The following MGAT4C variants were observed in gnomAD, a reference collection of about 807,000 sequenced individuals.
MGAT4C encodes alpha-1,3-mannosyl-glycoprotein 4-beta-N-acetylglucosaminyltransferase C.
A neutral mutation model predicts 40.1 loss-of-function variants in MGAT4C; 19 were observed. The observed-to-expected ratio is 0.47, with a 90% CI of 0.33 to 0.70. The LOEUF (loss-of-function observed/expected upper bound fraction) is 0.70, where lower values mean the gene tolerates loss of function less well. MGAT4C is among the 30% of genes least tolerant of loss of function. The pLI, the probability that MGAT4C is intolerant of heterozygous loss-of-function variation, is 0.02. For missense variants in MGAT4C, 491 were observed against 563.2 expected (o/e 0.87, Z 1.30); for synonymous variants, 181 against 187.1 (o/e 0.97, Z 0.27).
intron 1 of MGAT4C, among the ~76,000 whole-genome samples, chr12:86,142,049 C>T (rs1882907043): frequency 6.6e-6 from 1 of 152,086 alleles, no homozygotes; most frequent in African/African-American, 2.4e-5. Flanking sequence ...CTAAGGAAGC[C>T]TCATCAACTT....
At chr12:86,147,638 A>C (rs1406759026) in intron 1 of MGAT4C, among the ~76,000 whole-genome samples, 1 of 152,180 alleles carries the variant, frequency 6.6e-6, no homozygotes, top group Non-Finnish European at 1.5e-5. Context: ...ATTTGAGTGG[A>C]GCATTGGAGA....
intron 2 of MGAT4C, among the ~76,000 whole-genome samples, chr12:86,667,304 A>G (rs1313988077): frequency 6.6e-6 from 1 of 152,208 alleles, no homozygotes; most frequent in Non-Finnish European, 1.5e-5. Flanking sequence ...TAGCAGACAC[A>G]TGCTAGATTA....
chr12:86,763,792 G>T, intron 1 of MGAT4C, among the ~76,000 whole-genome samples: 1 of 152,084 alleles, frequency 6.6e-6, no homozygotes, highest in East Asian at 1.9e-4. Context: ...ATAATTGGTA[G>T]TTAAAATTAC....
chr12:86,708,486 C>T (rs1950501383), intron 2 of MGAT4C, among the ~76,000 whole-genome samples: 1 of 152,204 alleles, frequency 6.6e-6, no homozygotes, highest in Non-Finnish European at 1.5e-5. Context: ...CCCTCTGGGG[C>T]ACTGCCTAGT....
chr12:86,568,282 T>C (rs1391724205), intron 2 of MGAT4C, among the ~76,000 whole-genome samples: 1 of 152,040 alleles, frequency 6.6e-6, no homozygotes, highest in Non-Finnish European at 1.5e-5. Context: ...AGAGCAGATT[T>C]GCTGAGTTTT....
At chr12:86,247,345 T>C (rs1247930522) in intron 1 of MGAT4C, among the ~76,000 whole-genome samples, 1 of 152,220 alleles carries the variant, frequency 6.6e-6, no homozygotes, top group African/African-American at 2.4e-5. Context: ...ATCTTCTGTT[T>C]ACTCACACCA....
At chr12:86,394,712 C>T (rs184276244) in intron 3 of MGAT4C, among the ~76,000 whole-genome samples, 79 of 148,800 alleles carry the variant, frequency 5.3e-4, no homozygotes, top group African/African-American at 1.9e-3. Flanking sequence ...CTCCGCCTCT[C>T]GGGTTAAAGC....
chr12:86,477,088 A>G (rs1300804651), intron 2 of MGAT4C, among the ~76,000 whole-genome samples: 1 of 151,916 alleles, frequency 6.6e-6, no homozygotes, highest in Non-Finnish European at 1.5e-5. Context: ...AATGAAAAAT[A>G]AATATATATA....
upstream of MGAT4C, among the ~76,000 whole-genome samples, chr12:86,259,499 G>A (rs890256277): frequency 2.0e-5 from 3 of 151,464 alleles, no homozygotes; most frequent in Non-Finnish European, 4.4e-5. Context: ...ATAAAAGGAT[G>A]GTGTCATTTC....
intron 3 of MGAT4C, among the ~76,000 whole-genome samples, chr12:86,408,565 T>A (rs867254606): frequency 6.8e-6 from 1 of 147,236 alleles, no homozygotes; most frequent in South Asian, 2.1e-4. Context: ...TTATATTTTT[T>A]AAATTTTATT....
intron 1 of MGAT4C, among the ~76,000 whole-genome samples, chr12:86,141,736 T>C (rs958041696): frequency 6.6e-6 from 1 of 152,162 alleles, no homozygotes; most frequent in Non-Finnish European, 1.5e-5. Flanking sequence ...AAAAAAAGCT[T>C]TTTAAGTTTC....
chr12:85,988,724 ATAAT>A (rs1305729130), intron 3 of MGAT4C, among the ~76,000 whole-genome samples: 3 of 151,996 alleles, frequency 2.0e-5, no homozygotes, highest in South Asian at 2.1e-4. Context: ...TTAATTTTTC[ATAAT>A]TAGTCAGAAT....
chr12:86,335,570 T>C (rs1390458089), intron 3 of MGAT4C, among the ~76,000 whole-genome samples: 4 of 152,118 alleles, frequency 2.6e-5, no homozygotes, highest in Non-Finnish European at 4.4e-5. Flanking sequence ...AATTTGTAGA[T>C]GCTCAAGTCC....
intron 3 of MGAT4C, among the ~76,000 whole-genome samples, chr12:86,341,929 C>A (rs1440085819): frequency 6.6e-6 from 1 of 152,106 alleles, no homozygotes; most frequent in Non-Finnish European, 1.5e-5. Context: ...ACCATTCGAG[C>A]CTTTGAGCAT....
At chr12:85,989,010 AT>A (rs1431509961) in intron 3 of MGAT4C, among the ~76,000 whole-genome samples, 4 of 152,076 alleles carry the variant, frequency 2.6e-5, no homozygotes, top group Non-Finnish European at 4.4e-5. Flanking sequence ...AATTTTGAAA[AT>A]TTCAGTGATA....
intron 2 of MGAT4C, among the ~76,000 whole-genome samples, chr12:86,520,419 G>A (rs1958772168): frequency 6.6e-6 from 1 of 152,090 alleles, no homozygotes; most frequent in South Asian, 2.1e-4. Flanking sequence ...TTTTATGGCT[G>A]CATAGTATCT....
At chr12:86,237,798 C>G (rs1951616969) in intron 1 of MGAT4C, among the ~76,000 whole-genome samples, 1 of 151,896 alleles carries the variant, frequency 6.6e-6, no homozygotes, top group African/African-American at 2.4e-5. Context: ...AAAAGTGACA[C>G]AGTGTAATTA....
intron 4 of MGAT4C, among the ~76,000 whole-genome samples, chr12:86,330,806 T>C (rs1185072251): frequency 6.6e-6 from 1 of 152,190 alleles, no homozygotes; most frequent in Non-Finnish European, 1.5e-5. Context: ...ATTATACTTA[T>C]TATGGCAAGT....
At chr12:86,231,867 T>C (rs933538460) in intron 1 of MGAT4C, among the ~76,000 whole-genome samples, 3 of 152,042 alleles carry the variant, frequency 2.0e-5, no homozygotes, top group Non-Finnish European at 4.4e-5. Flanking sequence ...AGGGGTGAAG[T>C]GTGGCTCATG....
Sources: allele counts gnomAD v4.1 joint callset (sites outside exome capture counted in the v4.1 genomes callset), GRCh38; gene constraint gnomAD v4.1.1; transcripts MANE v1.5; gene names NCBI Gene and HGNC (gene_info 2026-07-23, HGNC 2026-07-21).